Variants in TEX11 observed in about 807,000 individuals in gnomAD.
TEX11 encodes testis-expressed protein 11.
TEX11 carries 7 observed loss-of-function variants against 84.4 expected under a neutral mutation model. That is an observed-to-expected ratio of 0.08 (90% CI 0.05 to 0.16). The LOEUF is 0.16. Among genes scored for constraint, TEX11 ranks in the 10% least tolerant of loss-of-function variants. The probability of loss-of-function intolerance (pLI) is 1.00; values close to 1 mark genes in which losing one functional copy is unlikely to be tolerated. For synonymous variants in TEX11, 264 were observed against 222.8 expected (o/e 1.18, Z -1.64); for missense variants, 551 against 660.5 (o/e 0.83, Z 1.82).
intron 7 of TEX11, chrX:70,846,389 A>G (rs1279037503): frequency 8.9e-6 from 1 of 112,253 alleles, no homozygotes; most frequent in Non-Finnish European, 1.9e-5. Flanking sequence ...ATTCATGTTG[A>G]AGTGCCAGCA....
intron 25 of TEX11, among the ~76,000 whole-genome samples, chrX:70,572,162 A>C (rs1452085264): frequency 2.7e-5 from 3 of 110,355 alleles, no homozygotes; most frequent in African/African-American, 6.6e-5. Context: ...AAGAAAAAAA[A>C]AAACAACCCC....
intron 17 of TEX11, among the ~76,000 whole-genome samples, chrX:70,639,159 G>C (rs1337870378): frequency 8.9e-6 from 1 of 111,768 alleles, no homozygotes; most frequent in Admixed American, 9.4e-5. Context: ...AGGGGTGACG[G>C]ACGGCACCTG....
chrX:70,534,757 T>A (rs2087934546), intron 28 of TEX11, among the ~76,000 whole-genome samples: 1 of 112,196 alleles, frequency 8.9e-6, no homozygotes, highest in Non-Finnish European at 1.9e-5. Flanking sequence ...AGTATGTGCA[T>A]CAGCTTTATT....
At chrX:70,907,123 A>G (rs1423965165) in intron 2 of TEX11, among the ~76,000 whole-genome samples, 1 of 111,814 alleles carries the variant, frequency 8.9e-6, no homozygotes, top group East Asian at 2.8e-4. Flanking sequence ...GATATAATTT[A>G]TTTTTCACGG....
intron 9 of TEX11, among the ~76,000 whole-genome samples, chrX:70,787,686 AAAAG>A (rs1271387415): frequency 8.9e-6 from 1 of 111,781 alleles, no homozygotes; most frequent in East Asian, 2.8e-4. Context: ...GCAATTAAGC[AAAAG>A]AAAGAAAGTA....
intron 3 of TEX11, among the ~76,000 whole-genome samples, chrX:70,875,165 G>A (rs1037038166): frequency 7.3e-5 from 8 of 109,804 alleles, no homozygotes; most frequent in African/African-American, 1.3e-4. Context: ...GAGACAGAGC[G>A]AGACTCTGTC....
At chrX:70,684,103 G>C (rs2090168159) in intron 13 of TEX11, among the ~76,000 whole-genome samples, 1 of 111,423 alleles carries the variant, frequency 9.0e-6, no homozygotes, top group African/African-American at 3.3e-5. Context: ...TGTTTCCATG[G>C]GACCAAGTGA....
chrX:70,816,888 G>A (rs1310533276), intron 8 of TEX11, among the ~76,000 whole-genome samples: 3 of 110,576 alleles, frequency 2.7e-5, no homozygotes, highest in Non-Finnish European at 5.7e-5. Context: ...ATCAGAGAAT[G>A]AGCATGGAGA....
chrX:70,519,005 T>C, the TEX11 span, among the ~76,000 whole-genome samples: 1 of 111,948 alleles, frequency 8.9e-6, no homozygotes, highest in Non-Finnish European at 1.9e-5. Flanking sequence ...CCTATGTGTG[T>C]CTCTGCGTGT....
At chrX:70,858,443 AG>A (rs768092125) in intron 5 of TEX11, among the ~76,000 whole-genome samples, 2,068 of 94,538 alleles carry the variant, frequency 0.022, 42 homozygotes, top group African/African-American at 0.088. Context: ...CTCCATCTCA[AG>A]AAAAAAAAAA....
chrX:70,771,789 T>C (rs1027759250), intron 9 of TEX11, among the ~76,000 whole-genome samples: 2 of 111,019 alleles, frequency 1.8e-5, no homozygotes, highest in Non-Finnish European at 3.8e-5. Context: ...AAATAGGAGG[T>C]CTTAGGCCCA....
intron 16 of TEX11, among the ~76,000 whole-genome samples, chrX:70,658,436 C>A (rs181569636): frequency 8.1e-5 from 9 of 110,642 alleles, no homozygotes; most frequent in South Asian, 3.9e-4. Flanking sequence ...AACAAACAAA[C>A]AAAAAAACCC....
chrX:70,521,236 C>T, the TEX11 span, among the ~76,000 whole-genome samples: 1 of 110,934 alleles, frequency 9.0e-6, no homozygotes, highest in Admixed American at 9.6e-5. Flanking sequence ...ATGCTGGGAG[C>T]TGTAGACCAG....
chrX:70,782,323 A>G (rs973560370), intron 9 of TEX11, among the ~76,000 whole-genome samples: 3 of 111,536 alleles, frequency 2.7e-5, no homozygotes, highest in African/African-American at 6.5e-5. Context: ...AGGAAGCACT[A>G]AACATGGAAA....
chrX:70,739,230 A>T (rs2090717905), intron 11 of TEX11, among the ~76,000 whole-genome samples: 1 of 111,187 alleles, frequency 9.0e-6, no homozygotes, highest in African/African-American at 3.3e-5. Context: ...CATAAATTTC[A>T]GGAAAATATA....
At chrX:70,565,846 C>T (rs966658772) in intron 25 of TEX11, among the ~76,000 whole-genome samples, 1 of 111,586 alleles carries the variant, frequency 9.0e-6, no homozygotes, top group Non-Finnish European at 1.9e-5. Flanking sequence ...TTGATGCCTC[C>T]AACTTTGTTC....
At chrX:70,573,035 A>C (rs751091594) in intron 25 of TEX11, among the ~76,000 whole-genome samples, 1 of 111,873 alleles carries the variant, frequency 8.9e-6, no homozygotes, top group Admixed American at 9.5e-5. Context: ...CCAGATTCAC[A>C]TTTGTCCTTT....
Position 70,742,995 on chromosome X carries a change from T to C in TEX11, c.747+1170A>G, listed in dbSNP as rs769742777. 1.1e-3 allele frequency among the ~76,000 whole-genome samples: 124 copies of C among 111,624 alleles called. 2 individuals are homozygous for C. Among genetic ancestry groups the C allele is most frequent in the Middle Eastern group, 4.6e-3 (1 of 218 alleles). ...TTACCAGCATCCATCTCGAGAACTC[T>C]CTTACCTTGCAAAACTGAAACTCTA... On this transcript the variant is annotated intron_variant, in intron 10 of 29. Transcript: ENST00000374333.
At chrX:70,525,233 G>A (rs1029837460), downstream of TEX11, among the ~76,000 whole-genome samples, 2 of 110,202 alleles carry the variant, frequency 1.8e-5, no homozygotes, top group Admixed American at 9.8e-5. Context: ...ATTAATGGCC[G>A]TATGTGTAGA....
Sources: allele counts gnomAD v4.1 joint callset (sites outside exome capture counted in the v4.1 genomes callset), GRCh38; gene constraint gnomAD v4.1.1; transcripts MANE v1.5; gene names NCBI Gene and HGNC (gene_info 2026-07-23, HGNC 2026-07-21).